NUBPL: variants seen among roughly 807,000 people sequenced by gnomAD.
The protein encoded by NUBPL is NUBP iron-sulfur cluster assembly factor, mitochondrial, also known as iron-sulfur cluster transfer protein NUBPL.
A neutral mutation model predicts 45.7 loss-of-function variants in NUBPL; 31 were observed. The ratio of observed to expected loss-of-function variants is 0.68; its 90% CI spans 0.51 to 0.92. NUBPL has a LOEUF of 0.92. Among genes scored for constraint, NUBPL ranks in the 40% least tolerant of loss-of-function variants. The pLI is 0.00. For missense variants in NUBPL, 401 were observed against 398.7 expected (o/e 1.01, Z -0.05); for synonymous variants, 144 against 140.9 (o/e 1.02, Z -0.15).
chr14:31,791,352 T>C (rs1345616991), intron 7 of NUBPL, among the ~76,000 whole-genome samples: 1 of 152,174 alleles, frequency 6.6e-6, no homozygotes, highest in Non-Finnish European at 1.5e-5. Flanking sequence ...AACCATTATA[T>C]CAATAAATTT....
At chr14:31,708,954 C>T (rs368274462) in intron 6 of NUBPL, among the ~76,000 whole-genome samples, 11 of 152,228 alleles carry the variant, frequency 7.2e-5, no homozygotes, top group Non-Finnish European at 1.2e-4. Context: ...TAAGCCCTAC[C>T]GGGTGATTGG....
At chr14:31,635,551 C>G (rs1475960847) in intron 4 of NUBPL, among the ~76,000 whole-genome samples, 1 of 151,808 alleles carries the variant, frequency 6.6e-6, no homozygotes, top group Non-Finnish European at 1.5e-5. Context: ...TCTTTTGGCT[C>G]AGGATTGACT....
intron 7 of NUBPL, among the ~76,000 whole-genome samples, chr14:31,793,034 T>G (rs1595634427): frequency 6.6e-6 from 1 of 152,284 alleles, no homozygotes; most frequent in Non-Finnish European, 1.5e-5. Flanking sequence ...ATAAACCCAG[T>G]TTTTCTTTCC....
chr14:31,619,003 AGC>A (rs1332776794), intron 4 of NUBPL, among the ~76,000 whole-genome samples: 6 of 152,180 alleles, frequency 3.9e-5, no homozygotes, highest in African/African-American at 1.4e-4. Flanking sequence ...TAGGATAGTT[AGC>A]TCTTCTTGTT....
chr14:31,828,553 G>T (rs551921904), intron 8 of NUBPL, among the ~76,000 whole-genome samples: 4 of 152,222 alleles, frequency 2.6e-5, no homozygotes, highest in Admixed American at 2.0e-4. Flanking sequence ...TGAATTCCTT[G>T]AGGAAAAAGT....
At chr14:31,703,581 CAGAG>C (rs935654638) in intron 6 of NUBPL, among the ~76,000 whole-genome samples, 6 of 152,152 alleles carry the variant, frequency 3.9e-5, no homozygotes, top group African/African-American at 1.4e-4. Context: ...TGGCCGCAGA[CAGAG>C]AGCTTGTGCA....
intron 7 of NUBPL, among the ~76,000 whole-genome samples, chr14:31,790,412 A>G (rs1176546326): frequency 1.3e-5 from 2 of 152,172 alleles, no homozygotes; most frequent in Admixed American, 6.5e-5. Flanking sequence ...CATGAGAGTA[A>G]GACATAGTCT....
intron 4 of NUBPL, among the ~76,000 whole-genome samples, chr14:31,666,664 T>C (rs1323031441): frequency 6.6e-6 from 1 of 152,182 alleles, no homozygotes; most frequent in African/African-American, 2.4e-5. Flanking sequence ...CTTTATATTT[T>C]GGTATGTTTT....
At chr14:31,822,816 G>T (rs2040040028) in intron 7 of NUBPL, among the ~76,000 whole-genome samples, 1 of 152,060 alleles carries the variant, frequency 6.6e-6, no homozygotes, top group African/African-American at 2.4e-5. Flanking sequence ...GTCAAATGTT[G>T]TTATTAATTT....
At chr14:31,774,546 A>G (rs562478184) in intron 6 of NUBPL, among the ~76,000 whole-genome samples, 2 of 152,180 alleles carry the variant, frequency 1.3e-5, no homozygotes, top group Non-Finnish European at 2.9e-5. Context: ...TTCTTTTCCT[A>G]TTCATAACAC....
At chr14:31,613,306 A>AG (rs1395039812) in intron 4 of NUBPL, among the ~76,000 whole-genome samples, 4 of 152,162 alleles carry the variant, frequency 2.6e-5, no homozygotes, top group Non-Finnish European at 5.9e-5. Context: ...GAAGGGTAGT[A>AG]GGGGAGTTGA....
At chr14:31,752,882 G>A (rs1336973248) in intron 6 of NUBPL, among the ~76,000 whole-genome samples, 3 of 152,182 alleles carry the variant, frequency 2.0e-5, no homozygotes, top group Non-Finnish European at 4.4e-5. Flanking sequence ...TACAATCATG[G>A]CAGAAGTGGA....
intron 4 of NUBPL, among the ~76,000 whole-genome samples, chr14:31,639,557 T>C (rs2035618970): frequency 6.6e-6 from 1 of 152,188 alleles, no homozygotes; most frequent in Non-Finnish European, 1.5e-5. Flanking sequence ...GAGGAGGCAG[T>C]CTGCCCGTTC....
At chr14:31,620,409 T>C (rs1030649524) in intron 4 of NUBPL, among the ~76,000 whole-genome samples, 1 of 152,194 alleles carries the variant, frequency 6.6e-6, no homozygotes, top group Non-Finnish European at 1.5e-5. Flanking sequence ...TCCCCATCTT[T>C]GTGGATTTAT....
intron 6 of NUBPL, among the ~76,000 whole-genome samples, chr14:31,696,468 A>C (rs1349854343): frequency 1.1e-4 from 16 of 152,032 alleles, no homozygotes; most frequent in Non-Finnish European, 2.9e-5. Flanking sequence ...ATCTCGTTAC[A>C]TGGCCTTCTT....
intron 4 of NUBPL, among the ~76,000 whole-genome samples, chr14:31,640,634 A>G (rs1364482433): frequency 6.7e-6 from 1 of 148,948 alleles, no homozygotes; most frequent in Admixed American, 6.7e-5. Context: ...AAAAAAAAAG[A>G]AACACTAATT....
intron 4 of NUBPL, among the ~76,000 whole-genome samples, chr14:31,668,487 T>C (rs1329154177): frequency 1.1e-4 from 17 of 152,186 alleles, no homozygotes; most frequent in Admixed American, 1.1e-3. Flanking sequence ...GGATCTTAGC[T>C]TGCCGGGCTC....
chr14:31,609,405 T>C (rs1170684612), intron 4 of NUBPL, among the ~76,000 whole-genome samples: 1 of 152,092 alleles, frequency 6.6e-6, no homozygotes, highest in Non-Finnish European at 1.5e-5. Context: ...CACCCAACAC[T>C]GGAGCACCTG....
intron 8 of NUBPL, among the ~76,000 whole-genome samples, chr14:31,835,846 A>G (rs996198007): frequency 2.6e-5 from 4 of 152,228 alleles, no homozygotes; most frequent in African/African-American, 9.6e-5. Context: ...ACTGAAAAGC[A>G]GTTATGAATC....
Sources: gnomAD v4.1 joint callset for allele counts (sites outside exome capture counted in the v4.1 genomes callset) on GRCh38, gnomAD v4.1.1 for gene constraint, MANE v1.5 for transcripts, NCBI Gene and HGNC (gene_info 2026-07-23, HGNC 2026-07-21) for gene names.